Variants in DDX60 observed in about 807,000 individuals in gnomAD.
DDX60 encodes DExD/H-box helicase 60, also known as probable ATP-dependent RNA helicase DDX60.
A neutral mutation model predicts 212.8 loss-of-function variants in DDX60; 165 were observed. The ratio of observed to expected loss-of-function variants is 0.78; its 90% CI spans 0.68 to 0.88. The LOEUF (loss-of-function observed/expected upper bound fraction) is 0.88. Among genes scored for constraint, DDX60 ranks in the 40% least tolerant of loss-of-function variants. The pLI is 0.00. For missense variants in DDX60, 1,905 were observed against 2,003.9 expected, an observed-to-expected ratio of 0.95 and a Z score of 0.94; for synonymous variants, 703 against 685.3, an observed-to-expected ratio of 1.03 and a Z score of -0.40.
intron 14 of DDX60, among the ~76,000 whole-genome samples, chr4:168,279,171 T>C (rs1156853145): frequency 6.6e-6 from 1 of 152,210 alleles, no homozygotes; most frequent in Admixed American, 6.5e-5. Flanking sequence ...AATTATCTTC[T>C]TGTGTTCTGG....
chr4:168,229,720 C>A (rs935438373), intron 33 of DDX60, among the ~76,000 whole-genome samples: 1 of 152,118 alleles, frequency 6.6e-6, no homozygotes, highest in East Asian at 1.9e-4. Context: ...GGAGCTCTAA[C>A]TCTTGAAACA....
chr4:168,262,016 T>C lies in DDX60; in HGVS notation c.3257A>G (p.Asn1086Ser), dbSNP rs773290386. 1.3e-5 allele frequency: 20 copies of C among 1,594,300 alleles called. No individual in the cohort carries two copies. Among genetic ancestry groups the C allele is most frequent in the Non-Finnish European group, 1.5e-5 (18 of 1,173,728 alleles). Residue 1086 changes from asparagine (N) to serine (S), a missense_variant, in exon 24 of 38, where the codon AAT becomes AGT. By Grantham distance (46) the Asn-to-Ser change is conservative. Coordinates refer to ENST00000393743, the MANE Select transcript of DDX60 (RefSeq NM_017631.6). ...GAAAATTACCTGCTCTACGTTGCCA[T>C]TTTTAATCCAACTTGTTAATTCTGC... ...LKAELTSWIK[N>S]GNVEQARMVL...
chr4:168,313,582 G>C lies in DDX60; in HGVS notation c.-106-2217C>G, dbSNP rs368302514. The stretch of plus-strand genomic sequence containing the variant: ...ACCAAGCTCAAATGGAAAAAAATGG[G>C]TCAGTGAGAACTGAACAGGCAAGAG... On this transcript the variant is annotated intron_variant, in intron 1 of 37. Transcript: ENST00000393743. Among the ~76,000 whole-genome samples, 12 of 152,270 alleles carry C rather than the reference G, an allele frequency of 7.9e-5. 1 individual carries two copies. The highest frequency in any genetic ancestry group is 2.6e-4 in the African/African-American group (11 of 41,564).
intron 37 of DDX60, among the ~76,000 whole-genome samples, chr4:168,218,857 T>C (rs1243550653): frequency 6.6e-6 from 1 of 152,208 alleles, no homozygotes; most frequent in Non-Finnish European, 1.5e-5. Flanking sequence ...TTTGAGACTC[T>C]TTCTTTGAAT....
In DDX60 at chr4:168,216,437, T is replaced by C. The variant is rs1732852078; in HGVS notation, c.*496A>G. ...GTAGTTTAAGTTTACTAGAAAGTAC[T>C]ATCTCAATAGCTGTATAGCTAACTT... On this transcript the variant is annotated 3_prime_UTR_variant, in exon 38 of 38. Transcript: ENST00000393743. 1 of 152,280 alleles carries C rather than the reference T, an allele frequency of 6.6e-6. No individual in the cohort carries two copies. Among genetic ancestry groups the C allele is most frequent in the South Asian group, 2.1e-4 (1 of 4,836 alleles). The allele number at this position is 152,280 out of a possible 1,614,324, so 9.4% of individuals were successfully genotyped here.
In DDX60 at chr4:168,315,012, C is replaced by A. The variant is rs114179495; in HGVS notation, c.-107+3610G>T. Among the ~76,000 whole-genome samples, 325 of 152,262 alleles carry A rather than the reference C, an allele frequency of 2.1e-3. 1 individual carries two copies. The highest frequency in any genetic ancestry group is 7.2e-3 in the African/African-American group (301 of 41,556). On this transcript the variant is annotated intron_variant, in intron 1 of 37. Coordinates refer to ENST00000393743, the MANE Select transcript of DDX60 (RefSeq NM_017631.6). ...AAATGGAAGTCAGGCCATATGAGAA[C>A]TGGTTTAAGAAATGAACACTGTTGG...
chr4:168,251,036 C>T lies in DDX60; in HGVS notation c.3776G>A (p.Arg1259Lys), dbSNP rs745992563. 1 of 1,613,162 alleles carries T rather than the reference C, an allele frequency of 6.2e-7. No homozygotes were observed. Among genetic ancestry groups the T allele is most frequent in the Non-Finnish European group, 8.5e-7 (1 of 1,179,406 alleles). The change falls in exon 28 of 38, where the codon AGG becomes AAG. Residue 1259 changes from arginine to lysine, a missense_variant. Coordinates refer to ENST00000393743, the MANE Select transcript of DDX60 (RefSeq NM_017631.6). ...KGEELKALAE[R>K]GIGYHHSAMS... Reference sequence around the variant, plus strand: ...AGCACTGTGATGATATCCAATACCCCTTTCTGCCAAGGCTTTCAATTCTTC... The same window carrying T: ...AGCACTGTGATGATATCCAATACCCTTTTCTGCCAAGGCTTTCAATTCTTC...
Position 168,293,848 on chromosome 4 carries a change from A to T in DDX60, c.821T>A (p.Met274Lys). ...CVTSCSLSLRMYHRFLGNREP... is the reference protein window; with the variant it reads ...CVTSCSLSLRKYHRFLGNREP... ...TCTGTTTCCTAAAAAGCGATGGTAC[A>T]TTCTCAAAGATAATGAGCATGAAGT... Residue 274 changes from methionine to lysine, a missense_variant, in exon 7 of 38, where the codon ATG becomes AAG. Coordinates refer to ENST00000393743, the MANE Select transcript of DDX60 (RefSeq NM_017631.6). 1 of 1,614,000 alleles carries T rather than the reference A, an allele frequency of 6.2e-7. No individual in the cohort carries two copies. The highest frequency in any genetic ancestry group is 8.5e-7 in the Non-Finnish European group (1 of 1,179,928).
At chr4:168,313,740 C>T (rs1245402363) in intron 1 of DDX60, among the ~76,000 whole-genome samples, 1 of 152,108 alleles carries the variant, frequency 6.6e-6, no homozygotes, top group Non-Finnish European at 1.5e-5. Context: ...TTTTATGCCA[C>T]TCCTAGGACA....
rs1270502189 is a variant in DDX60 at position 168,310,960 on chromosome 4, C to G, written c.74+38G>C. 3.3e-6 allele frequency: 4 copies of G among 1,228,648 alleles called. No homozygotes were observed. The East Asian group carries it at 7.1e-5, about 22-fold the overall frequency. 76.1% of individuals were successfully genotyped at this position (1,228,648 alleles called of 1,614,324 possible). ...CAAATAGACATACAGGGAACATGAG[C>G]TATGATTTCCCGTCTTTATTACTAT... On this transcript the variant is annotated intron_variant, in intron 3 of 37. Coordinates refer to ENST00000393743, the MANE Select transcript of DDX60 (RefSeq NM_017631.6).
At chr4:168,315,209 C>T (rs7696914) in intron 1 of DDX60, among the ~76,000 whole-genome samples, 6,272 of 152,066 alleles carry the variant, frequency 0.041, 266 homozygotes, top group Admixed American at 0.097. Context: ...CTGATGGATA[C>T]GAATTGATTA....
chr4:168,283,650 C>A, intron 12 of DDX60, 44 bp from the exon 13 acceptor site: 1 of 1,418,836 alleles, frequency 7.0e-7, no homozygotes, highest in Non-Finnish European at 9.7e-7. Flanking sequence ...TGTAGTTTTT[C>A]AATAGCATTC....
At chr4:168,240,989 T>C (rs754885642) in intron 30 of DDX60, among the ~76,000 whole-genome samples, 14 of 152,202 alleles carry the variant, frequency 9.2e-5, no homozygotes, top group South Asian at 4.1e-4. Context: ...TGGGAGGTAA[T>C]TGAATCATGG....
chr4:168,248,217 C>G lies in DDX60; in HGVS notation c.3934G>C (p.Val1312Leu), dbSNP rs1252518873. Reference sequence around the variant, plus strand: ...CTATAATTCAACGCATCCAGATAGACTGAGTTTTGAGCAAAAACCACAGAT... The same window carrying G: ...CTATAATTCAACGCATCCAGATAGAGTGAGTTTTGAGCAAAAACCACAGAT... ...CKSVVFAQNS[V>L]YLDALNYRQM... Residue 1312 changes from valine (V) to leucine (L), a missense_variant, in exon 29 of 38, where the codon GTC becomes CTC. Val to Leu is a conservative substitution (Grantham distance 32). Transcript: ENST00000393743. The G allele has an allele frequency of 1.2e-6, 2 of 1,610,968 alleles. No individual in the cohort carries two copies. Among genetic ancestry groups the G allele is most frequent in the Non-Finnish European group, 1.7e-6 (2 of 1,178,998 alleles).
intron 5 of DDX60, among the ~76,000 whole-genome samples, chr4:168,303,104 C>G (rs965863668): frequency 1.3e-5 from 2 of 151,836 alleles, no homozygotes; most frequent in Admixed American, 6.6e-5. Context: ...AGATCGAGAC[C>G]ATCCTGGCTA....
intron 25 of DDX60, among the ~76,000 whole-genome samples, chr4:168,258,559 T>C (rs761992808): frequency 1.7e-4 from 26 of 152,220 alleles, no homozygotes; most frequent in Non-Finnish European, 3.2e-4. Context: ...TGGGATCAAA[T>C]TGTGTAATAC....
intron 21 of DDX60, 45 bp from the exon 22 acceptor site, chr4:168,267,736 C>T: frequency 1.9e-6 from 3 of 1,540,972 alleles, no homozygotes; most frequent in Non-Finnish European, 2.6e-6. Context: ...GAAATGTAAT[C>T]ACTGAAACAA....
At chr4:168,228,258 G>C (rs1271432301) in intron 33 of DDX60, among the ~76,000 whole-genome samples, 2 of 152,108 alleles carry the variant, frequency 1.3e-5, no homozygotes, top group Non-Finnish European at 2.9e-5. Context: ...CAACCATCAT[G>C]TATGCAGTCT....
At chr4:168,285,188 G>A (rs962150400) in intron 11 of DDX60, among the ~76,000 whole-genome samples, 2 of 152,088 alleles carry the variant, frequency 1.3e-5, no homozygotes, top group African/African-American at 2.4e-5. Context: ...CAGCTGTAGT[G>A]ATTTATTCTA....
Sources: gnomAD v4.1 joint callset for allele counts (sites outside exome capture counted in the v4.1 genomes callset) on GRCh38, gnomAD v4.1.1 for gene constraint, MANE v1.5 for transcripts, NCBI Gene and HGNC (gene_info 2026-07-23, HGNC 2026-07-21) for gene names.